Variants in MED13L observed in about 807,000 individuals in gnomAD.
The protein encoded by MED13L is mediator complex subunit 13L.
MED13L carries 7 observed loss-of-function variants against 220.9 expected under a neutral mutation model. The ratio of observed to expected loss-of-function variants is 0.03; its 90% CI spans 0.02 to 0.06. The LOEUF is 0.06. MED13L is among the 10% of genes least tolerant of loss of function. MED13L has a pLI of 1.00. For missense variants in MED13L, 1,965 were observed against 2,760.5 expected, an observed-to-expected ratio of 0.71 and a Z score of 6.46; for synonymous variants, 1,011 against 1,015.2, an observed-to-expected ratio of 1.00 and a Z score of 0.08.
chr12:116,093,193 T>A (rs1284764427), intron 4 of MED13L, among the ~76,000 whole-genome samples: 2 of 152,170 alleles, frequency 1.3e-5, no homozygotes, highest in Non-Finnish European at 2.9e-5. Context: ...AAAAGCTTTT[T>A]TTCAAGTTCA....
intron 4 of MED13L, among the ~76,000 whole-genome samples, chr12:116,043,901 A>G (rs970217142): frequency 2.6e-5 from 4 of 152,236 alleles, no homozygotes; most frequent in African/African-American, 7.2e-5. Context: ...CTTTTCCTAG[A>G]ACAACTCAGA....
chr12:116,157,388 C>T (rs917906260), intron 2 of MED13L, among the ~76,000 whole-genome samples: 1 of 152,166 alleles, frequency 6.6e-6, no homozygotes, highest in Non-Finnish European at 1.5e-5. Flanking sequence ...AGCACCAGCA[C>T]AGTGCCTACT....
chr12:116,081,914 C>A (rs1193383983), intron 4 of MED13L, among the ~76,000 whole-genome samples: 2 of 152,088 alleles, frequency 1.3e-5, no homozygotes, highest in Non-Finnish European at 2.9e-5. Flanking sequence ...GAAAAATACA[C>A]AATAGACTTG....
chr12:115,962,593 A>G (rs1301994327), intron 30 of MED13L: 2 of 152,178 alleles, frequency 1.3e-5, no homozygotes, highest in African/African-American at 4.8e-5. Flanking sequence ...GTTTCCTATC[A>G]TTTCCTAACC....
intron 2 of MED13L, among the ~76,000 whole-genome samples, chr12:116,159,148 C>G (rs759423693): frequency 6.6e-6 from 1 of 152,072 alleles, no homozygotes; most frequent in African/African-American, 2.4e-5. Context: ...AGTTAAAGAT[C>G]GACAGTATTC....
At chr12:116,186,245 T>C (rs149649142) in intron 2 of MED13L, among the ~76,000 whole-genome samples, 27 of 152,326 alleles carry the variant, frequency 1.8e-4, no homozygotes, top group African/African-American at 6.3e-4. Flanking sequence ...TGTATCTTCA[T>C]GTTTTCTCTA....
intron 2 of MED13L, among the ~76,000 whole-genome samples, chr12:116,175,152 T>A (rs1462190218): frequency 2.6e-5 from 4 of 151,962 alleles, no homozygotes; most frequent in Non-Finnish European, 5.9e-5. Flanking sequence ...AAAAAAAGAG[T>A]ATTAAGACTC....
At chr12:116,046,805 C>G (rs1881862884) in intron 4 of MED13L, among the ~76,000 whole-genome samples, 1 of 152,112 alleles carries the variant, frequency 6.6e-6, no homozygotes, top group Admixed American at 6.5e-5. Flanking sequence ...AACCCCGTCT[C>G]TACTAAAAAT....
chr12:116,050,412 T>C (rs1342997879), intron 4 of MED13L, among the ~76,000 whole-genome samples: 1 of 152,138 alleles, frequency 6.6e-6, no homozygotes, highest in African/African-American at 2.4e-5. Flanking sequence ...AGAAATAAAA[T>C]GTATCTACTG....
chr12:116,251,387 C>G (rs1033164395), intron 1 of MED13L, among the ~76,000 whole-genome samples: 9 of 128,872 alleles, frequency 7.0e-5, no homozygotes, highest in African/African-American at 2.6e-4. Flanking sequence ...GTCTCGATCT[C>G]CTGACCTCGT....
intron 1 of MED13L, among the ~76,000 whole-genome samples, chr12:116,276,031 C>T (rs1170035098): frequency 6.6e-6 from 1 of 152,118 alleles, no homozygotes; most frequent in Admixed American, 6.6e-5. Flanking sequence ...GTAGGTAATA[C>T]GACCCAATAA....
At chr12:115,974,691 C>A (rs1876814244) in intron 25 of MED13L, among the ~76,000 whole-genome samples, 1 of 152,196 alleles carries the variant, frequency 6.6e-6, no homozygotes, top group African/African-American at 2.4e-5. Flanking sequence ...AAGACTGCCT[C>A]TACTGGCAAC....
intron 4 of MED13L, among the ~76,000 whole-genome samples, chr12:116,032,656 C>A (rs987938170): frequency 6.6e-6 from 1 of 152,164 alleles, no homozygotes; most frequent in Non-Finnish European, 1.5e-5. Flanking sequence ...TCCTTAAATG[C>A]CAGCACCTCA....
intron 3 of MED13L, among the ~76,000 whole-genome samples, chr12:116,102,223 C>CA (rs999614286): frequency 6.6e-6 from 1 of 152,142 alleles, no homozygotes; most frequent in African/African-American, 2.4e-5. Flanking sequence ...AGCCTGATTC[C>CA]AAAGTTGGCA....
Position 116,221,757 on chromosome 12 carries a change from A to G in MED13L, c.310+15711T>C, listed in dbSNP as rs1352545577. 2.0e-5 allele frequency among the ~76,000 whole-genome samples: 3 copies of G among 152,180 alleles called. No homozygotes were observed. In the East Asian group the frequency reaches 5.8e-4, roughly 29 times the overall value. ...CAAATACTCTTGCTTATTCTATGTG[A>G]TACTAATAAAAAGTTTAAAAACACT... On this transcript the variant is annotated intron_variant, in intron 2 of 30. Coordinates refer to ENST00000281928, the MANE Select transcript of MED13L (RefSeq NM_015335.5).
intron 2 of MED13L, among the ~76,000 whole-genome samples, chr12:116,208,048 G>A (rs923012415): frequency 6.6e-6 from 1 of 152,164 alleles, no homozygotes; most frequent in Non-Finnish European, 1.5e-5. Flanking sequence ...AAACTACTCG[G>A]AGGTCACCTT....
At chr12:116,255,812 CA>C (rs1291039687) in intron 1 of MED13L, among the ~76,000 whole-genome samples, 1 of 152,212 alleles carries the variant, frequency 6.6e-6, no homozygotes, top group Non-Finnish European at 1.5e-5. Context: ...TAAGTTACTA[CA>C]TACTGCACAT....
At chr12:116,232,470 A>C (rs1869652972) in intron 2 of MED13L, among the ~76,000 whole-genome samples, 1 of 152,232 alleles carries the variant, frequency 6.6e-6, no homozygotes, top group African/African-American at 2.4e-5. Context: ...GCTTTATTTT[A>C]ACTAGGCTTC....
chr12:116,216,988 T>C (rs1272826046), intron 2 of MED13L, among the ~76,000 whole-genome samples: 2 of 152,088 alleles, frequency 1.3e-5, no homozygotes, highest in African/African-American at 4.8e-5. Context: ...GAAGAAAAAA[T>C]TTTAATACTT....
Sources: allele counts gnomAD v4.1 joint callset (sites outside exome capture counted in the v4.1 genomes callset), GRCh38; gene constraint gnomAD v4.1.1; transcripts MANE v1.5; gene names NCBI Gene and HGNC (gene_info 2026-07-23, HGNC 2026-07-21).